The following PHKG1 variants were observed in gnomAD, a reference collection of about 807,000 sequenced individuals.
PHKG1 encodes phosphorylase kinase catalytic subunit gamma 1.
Under a neutral mutation model 50.5 loss-of-function variants are expected in PHKG1, and 48 were observed. The observed-to-expected ratio is 0.95, with a 90% CI of 0.75 to 1.21. PHKG1 has a LOEUF of 1.21. Among genes scored for constraint, PHKG1 ranks in the 50% most tolerant of loss-of-function variants. The probability of loss-of-function intolerance (pLI) is 0.00; values close to 1 mark genes in which losing one functional copy is unlikely to be tolerated. For synonymous variants in PHKG1, 204 were observed against 212.8 expected (o/e 0.96, Z 0.36); for missense variants, 487 against 519.5 (o/e 0.94, Z 0.61).
intron 1 of PHKG1, 136 bp from the exon 2 acceptor site, chr7:56,089,111 T>G (rs535380248): frequency 9.0e-6 from 5 of 555,172 alleles, no homozygotes; most frequent in Non-Finnish European, 1.6e-5. Context: ...CAAATAAATG[T>G]TTGTGAATTG....
rs539584077 is a variant in PHKG1, at chr7:56,083,368, G to A, written c.457C>T (p.Pro153Ser). The A allele has an allele frequency of 3.7e-6, 6 of 1,614,130 alleles. No homozygotes were observed. Among genetic ancestry groups the A allele is most frequent in the African/African-American group, 1.3e-5 (1 of 75,048 alleles). The change falls in exon 6 of 10, where the codon CCC becomes TCC. Residue 153 changes from proline to serine, a missense_variant. Pro to Ser is a moderately conservative substitution (Grantham distance 74). Transcript: ENST00000297373. ...KLNIVHRDLK[P>S]ENILLDDNMN... The stretch of plus-strand genomic sequence containing the variant: ...TTGTCATCCAAGAGAATGTTCTCGG[G>A]CTTCAGGTCCCGGTGCACGATGTTG...
rs1319070868 is a variant in PHKG1, at chr7:56,080,311, G to GC, written c.*742dup. 2 of 153,898 alleles carry GC rather than the reference G, an allele frequency of 1.3e-5. No individual in the cohort carries two copies. The highest frequency in any genetic ancestry group is 2.7e-5 in the Non-Finnish European group (2 of 72,758). 9.5% of individuals were successfully genotyped at this position (153,898 alleles called of 1,614,324 possible). On this transcript the variant is annotated 3_prime_UTR_variant, in exon 10 of 10. Coordinates refer to ENST00000297373, the MANE Select transcript of PHKG1 (RefSeq NM_006213.5). The stretch of plus-strand genomic sequence containing the variant: ...GACAGGGTCTTTCTCTGTTGCCCAG[G>GC]CTAGAGTGCACTGGTGATCACGGCT...
At position 56,086,958 on chromosome 7, in the gene PHKG1, C is replaced by T. The variant is rs1405822411; in HGVS notation, c.317+12G>A. On this transcript the variant is annotated intron_variant, in intron 4 of 9. Transcript: ENST00000297373. The stretch of plus-strand genomic sequence containing the variant: ...CTCTCAGGTGTGGCTTGCTCCAGTG[C>T]TGGGTACTTACAGGTCAAACACCAA... 4 of 1,609,006 alleles carry T rather than the reference C, an allele frequency of 2.5e-6. No homozygotes were observed. Among genetic ancestry groups the T allele is most frequent in the Non-Finnish European group, 3.4e-6 (4 of 1,175,574 alleles).
chr7:56,081,223 A>G lies in PHKG1; in HGVS notation c.995T>C (p.Ile332Thr), dbSNP rs779813404. 4 of 1,613,662 alleles carry G rather than the reference A, an allele frequency of 2.5e-6. No individual in the cohort carries two copies. Among genetic ancestry groups the G allele is most frequent in the Admixed American group, 1.7e-5 (1 of 60,002 alleles). Residue 332 changes from isoleucine (I) to threonine (T), a missense_variant, in exon 10 of 10, where the codon ATC becomes ACC. Ile to Thr is a moderately conservative substitution (Grantham distance 89, BLOSUM62 -1). Coordinates refer to ENST00000297373, the MANE Select transcript of PHKG1 (RefSeq NM_006213.5). The surrounding 1 kb of genome is among the most constrained non-coding windows in gnomAD (Gnocchi z 4.6). ...GAGGGCATAGGGGTCTCGGATGACGATCTCCCGGGTCACAGGCTTCACCCG... is the reference window on the plus strand; with the variant it reads ...GAGGGCATAGGGGTCTCGGATGACGGTCTCCCGGGTCACAGGCTTCACCCG... ...YRRVKPVTRE[I>T]VIRDPYALRP... is the part of the protein sequence containing the mutation.
At chr7:56,089,907 C>T (rs1213313682) in intron 1 of PHKG1, among the ~76,000 whole-genome samples, 4 of 151,972 alleles carry the variant, frequency 2.6e-5, no homozygotes, top group South Asian at 2.1e-4. Context: ...GCAATCTTCC[C>T]GCCTCAGCCT....
intron 4 of PHKG1, 85 bp from the exon 5 acceptor site, chr7:56,083,800 T>C: frequency 2.2e-6 from 2 of 890,816 alleles, no homozygotes; most frequent in Admixed American, 2.0e-5. Flanking sequence ...CCTTCCACCC[T>C]GATACCTCTA....
chr7:56,088,755 G>T, intron 2 of PHKG1, 104 bp downstream of exon 2: 1 of 717,030 alleles, frequency 1.4e-6, no homozygotes, highest in Non-Finnish European at 2.5e-6. Flanking sequence ...AGCACTTTGG[G>T]GATGAAAGTG....
rs2117525709 is a variant in PHKG1, at chr7:56,080,967, G to C, written c.*87C>G. On this transcript the variant is annotated 3_prime_UTR_variant, in exon 10 of 10. Coordinates refer to ENST00000297373, the MANE Select transcript of PHKG1 (RefSeq NM_006213.5). Reference sequence around the variant, plus strand: ...AGGGCCAAGTGCTCCTTCTGCAGAGGCCTGCACGCATCTCACCCCTTTGAC... The same window carrying C: ...AGGGCCAAGTGCTCCTTCTGCAGAGCCCTGCACGCATCTCACCCCTTTGAC... 1 of 1,480,086 alleles carries C rather than the reference G, an allele frequency of 6.8e-7. No homozygotes were observed. The highest frequency in any genetic ancestry group is 1.2e-5 in the South Asian group (1 of 80,882). The allele number at this position is 1,480,086 out of a possible 1,614,324, so 91.7% of individuals were successfully genotyped here.
intron 4 of PHKG1, 137 bp downstream of exon 4, chr7:56,086,833 C>G (rs1326374936): frequency 1.4e-6 from 1 of 716,020 alleles, no homozygotes; most frequent in East Asian, 2.5e-5. Flanking sequence ...AGGGGCTGAT[C>G]TGTCTAAACA....
chr7:56,088,409 C>T (rs1796358988), intron 2 of PHKG1: 1 of 152,592 alleles, frequency 6.6e-6, no homozygotes, highest in East Asian at 2.0e-4. Context: ...CCTGTTGTCC[C>T]AGCTACTAGG....
intron 6 of PHKG1, 58 bp from the exon 7 acceptor site, chr7:56,082,311 G>A: frequency 7.2e-7 from 1 of 1,394,020 alleles, no homozygotes; most frequent in Non-Finnish European, 1.0e-6. Flanking sequence ...AGGAAGTCCA[G>A]GCTGGCCGCA....
intron 4 of PHKG1, chr7:56,084,313 A>T (rs1796156313): frequency 2.4e-6 from 2 of 845,784 alleles, no homozygotes; most frequent in Non-Finnish European, 1.9e-6. Context: ...GAAAGAGGGG[A>T]CTATGAACCA....
chr7:56,081,373 T>TCTGGGCTC lies in PHKG1; in HGVS notation c.919-82_919-75dup. 6.6e-7 allele frequency: 1 copy of TCTGGGCTC among 1,510,994 alleles called. No homozygotes were observed. Among genetic ancestry groups the TCTGGGCTC allele is most frequent in the Non-Finnish European group, 8.8e-7 (1 of 1,131,746 alleles). 93.6% of individuals were successfully genotyped at this position (1,510,994 alleles called of 1,614,324 possible). ...CCCTGCCCCTCCAGCACAGGGACGC[T>TCTGGGCTC]CTGGGCTCGTTTGCCACGAAGCCTT... On this transcript the variant is annotated intron_variant, in intron 9 of 9. Coordinates refer to ENST00000297373, the MANE Select transcript of PHKG1 (RefSeq NM_006213.5). This position sits in a 1 kb window ranked among gnomAD's most constrained non-coding sequence, Gnocchi z 4.6.
chr7:56,083,149 C>T (rs926444713), intron 6 of PHKG1, 129 bp downstream of exon 6: 12 of 789,448 alleles, frequency 1.5e-5, no homozygotes, highest in African/African-American at 3.5e-5. Context: ...AATCCCTAGC[C>T]CTTGAAATGG....
Position 56,081,856 on chromosome 7 carries a change from G to T in PHKG1, c.792+37C>A. The T allele has an allele frequency of 1.2e-6, 2 of 1,611,562 alleles. No individual in the cohort carries two copies. Among genetic ancestry groups the T allele is most frequent in the South Asian group, 1.1e-5 (1 of 90,946 alleles). ...CCGGGCAGGGGCGCCTGGCATCGCA[G>T]CCCTGAGCCCAGGAGCCAGTTGGCC... On this transcript the variant is annotated intron_variant, in intron 8 of 9. Transcript: ENST00000297373. The surrounding 1 kb of genome is among the most constrained non-coding windows in gnomAD (Gnocchi z 4.6).
chr7:56,081,177 G>T lies in PHKG1; in HGVS notation c.1041C>A (p.Ile347=). 3 of 1,613,926 alleles carry T rather than the reference G, an allele frequency of 1.9e-6. No homozygotes were observed. The South Asian group carries it at 3.3e-5, about 18-fold the overall frequency. ...PYALRPLRRL[I]DAYAFRIYGH... is the part of the protein sequence containing the mutation. ...CATAGATTCGGAAAGCGTAGGCGTC[G>T]ATGAGCCGGCGCAGAGGCCGGAGGG... The change falls in exon 10 of 10, where the codon ATC becomes ATA. Residue 347 remains isoleucine (I), a synonymous_variant. Transcript: ENST00000297373. The surrounding 1 kb of genome is among the most constrained non-coding windows in gnomAD (Gnocchi z 4.6).
intron 1 of PHKG1, among the ~76,000 whole-genome samples, chr7:56,091,036 A>AC (rs531169228): frequency 3.3e-5 from 5 of 151,764 alleles, no homozygotes; most frequent in Admixed American, 6.6e-5. Context: ...ACATGGCGAG[A>AC]CCCCATCTCC....
intron 4 of PHKG1, chr7:56,084,243 A>T: frequency 6.6e-7 from 1 of 1,515,202 alleles, no homozygotes; most frequent in Non-Finnish European, 8.9e-7. Context: ...GTGTCTTCCC[A>T]TCTGTGGAAG....
At position 56,083,536 on chromosome 7, in the gene PHKG1, G is replaced by A. The variant is rs1164814704; in HGVS notation, c.384-95C>T. The A allele has an allele frequency of 1.2e-5, 18 of 1,526,608 alleles. 1 individual carries two copies. In the Admixed American group the frequency reaches 2.9e-4, roughly 24 times the overall value. 94.6% of individuals were successfully genotyped at this position (1,526,608 alleles called of 1,614,324 possible). A position where few individuals can be genotyped will look rare whatever the true frequency, so the allele number is the denominator to read the frequency against. On this transcript the variant is annotated intron_variant, in intron 5 of 9. Transcript: ENST00000297373. ...CACATTTCAGCCACACTGCAAGGGAGCAGCACACACGCCCAGCCCAGACAT... is the reference window on the plus strand; with the variant it reads ...CACATTTCAGCCACACTGCAAGGGAACAGCACACACGCCCAGCCCAGACAT...
Sources: allele counts gnomAD v4.1 joint callset (sites outside exome capture counted in the v4.1 genomes callset), GRCh38; gene constraint gnomAD v4.1.1; non-coding constraint Gnocchi (gnomAD v3.1); transcripts MANE v1.5; gene names NCBI Gene and HGNC (gene_info 2026-07-23, HGNC 2026-07-21).